TMF1: variants seen among roughly 807,000 people sequenced by gnomAD.
TMF1 encodes TATA element modulatory factor 1.
TMF1 carries 71 observed loss-of-function variants against 126.5 expected under a neutral mutation model. The observed-to-expected ratio is 0.56, with a 90% confidence interval of 0.46 to 0.68. The LOEUF is 0.68. Ranked by LOEUF, TMF1 falls within the 30% of genes least tolerant of loss-of-function variation. TMF1 has a pLI of 0.00. For missense variants in TMF1, 1,259 were observed against 1,253.2 expected (o/e 1.00, Z -0.07); for synonymous variants, 461 against 430.5 (o/e 1.07, Z -0.88).
chr3:69,044,626 C>T lies in TMF1; in HGVS notation c.1348-31G>A, dbSNP rs199639236. ...TAAGGCGAATACATAAAAGTCAGAA[C>T]GCTTAGCTTTAAAAAAGACCATTTT... On this transcript the variant is annotated intron_variant, in intron 2 of 16. Coordinates refer to ENST00000398559, the MANE Select transcript of TMF1 (RefSeq NM_007114.3). 5.3e-4 allele frequency: 778 copies of T among 1,466,956 alleles called. 5 individuals are homozygous for T. The East Asian group carries it at 0.013, about 24-fold the overall frequency. The allele number at this position is 1,466,956 out of a possible 1,614,324, so 90.9% of individuals were successfully genotyped here. A position where few individuals can be genotyped will look rare whatever the true frequency, so the allele number is the denominator to read the frequency against.
At position 69,038,696 on chromosome 3, in the gene TMF1, G is replaced by A. The variant is rs936976804; in HGVS notation, c.2019C>T (p.Ala673=). The change falls in exon 8 of 17, where the codon GCC becomes GCT. Residue 673 remains alanine (A), a synonymous_variant. Coordinates refer to ENST00000398559, the MANE Select transcript of TMF1 (RefSeq NM_007114.3). The part of the protein sequence containing the change: ...AYKELTDLHK[A]NAAKDSEAQE... ...GTGCCTCACTATCCTTTGCAGCATT[G>A]GCTTTGTGAAGATCAGTAAGTTCTC... 4 of 1,612,130 alleles carry A rather than the reference G, an allele frequency of 2.5e-6. No individual in the cohort carries two copies. The highest frequency in any genetic ancestry group is 2.7e-5 in the African/African-American group (2 of 74,730).
At chr3:69,032,609 G>T (rs1432937760) in intron 10 of TMF1, among the ~76,000 whole-genome samples, 2 of 120,374 alleles carry the variant, frequency 1.7e-5, no homozygotes, top group Non-Finnish European at 3.3e-5. Context: ...GCAGAATATG[G>T]AATCTTTTTT....
rs368078848 is a variant in TMF1 at position 69,025,887 on chromosome 3, T to G, written c.2859+109A>C. 2.7e-6 allele frequency: 3 copies of G among 1,116,576 alleles called. No individual in the cohort carries two copies. The South Asian group carries it at 4.5e-5, about 17-fold the overall frequency. The allele number at this position is 1,116,576 out of a possible 1,614,324, so 69.2% of individuals were successfully genotyped here. ...TAGCACTCCTCCACAAGTATTCAGA[T>G]GAATTACCCATAGAATGGCAAGGTC... On this transcript the variant is annotated intron_variant, in intron 14 of 16. Coordinates refer to ENST00000398559, the MANE Select transcript of TMF1 (RefSeq NM_007114.3).
chr3:69,037,433 A>T (rs2091838727), intron 8 of TMF1, among the ~76,000 whole-genome samples: 1 of 152,152 alleles, frequency 6.6e-6, no homozygotes, highest in Non-Finnish European at 1.5e-5. Flanking sequence ...AGAGGTCAGG[A>T]GTTCAACACC....
chr3:69,049,997 C>T (rs1031053928), intron 1 of TMF1, among the ~76,000 whole-genome samples: 4 of 152,048 alleles, frequency 2.6e-5, no homozygotes, highest in East Asian at 1.9e-4. Flanking sequence ...CAGTGGCTCA[C>T]GCTTGTAATC....
intron 11 of TMF1, among the ~76,000 whole-genome samples, chr3:69,029,448 T>A: frequency 1.5e-5 from 1 of 66,708 alleles, no homozygotes; most frequent in African/African-American, 5.6e-5. Context: ...TTATTTAATT[T>A]ATTTTTTTTT....
At position 69,048,475 on chromosome 3, in the gene TMF1, G is replaced by C. The variant is rs1458199613; in HGVS notation, c.230C>G (p.Ser77Cys). The C allele has an allele frequency of 1.9e-6, 3 of 1,614,044 alleles. No individual in the cohort carries two copies. Among genetic ancestry groups the C allele is most frequent in the Non-Finnish European group, 2.5e-6 (3 of 1,180,038 alleles). ...AACTGGCTTTGTGATTGCTTTAGGA[G>C]AGGCTATTGGTGGACTCTGAGGTTC... ...NTEPQSPPIA[S>C]PKAITKPVRR... Residue 77 changes from serine to cysteine, a missense_variant, in exon 2 of 17, where the codon TCT (serine) becomes TGT (cysteine). Ser to Cys is a moderately radical substitution (Grantham distance 112). Coordinates refer to ENST00000398559, the MANE Select transcript of TMF1 (RefSeq NM_007114.3).
chr3:69,025,705 G>A lies in TMF1; in HGVS notation c.2867C>T (p.Ser956Phe). 6.2e-7 allele frequency: 1 copy of A among 1,612,720 alleles called. No homozygotes were observed. Among genetic ancestry groups the A allele is most frequent in the South Asian group, 1.1e-5 (1 of 90,714 alleles). ...LQTSFLSQDE[S>F]HDHSFGPMPI... The stretch of plus-strand genomic sequence containing the variant: ...CATTGGTCCAAATGAGTGATCATGA[G>A]ACTCATCCTATGTTAATTAAGAAAG... The change falls in exon 15 of 17, where the codon TCT (serine) becomes TTT (phenylalanine). Residue 956 changes from serine to phenylalanine, a missense_variant. Physicochemically the swap from Ser to Phe is radical, Grantham distance 155. Transcript: ENST00000398559.
chr3:69,035,817 T>G (rs771201238), intron 8 of TMF1, among the ~76,000 whole-genome samples: 10 of 152,074 alleles, frequency 6.6e-5, no homozygotes, highest in Non-Finnish European at 1.3e-4. Flanking sequence ...AAATAACACG[T>G]AAGACATCAA....
rs2091725710 is a variant in TMF1 at position 69,020,901 on chromosome 3, G to T, written c.*2276C>A. Reference sequence around the variant, plus strand: ...TTATTGCAATCTTTTCTCTGCAAATGAAGTTTTTTTCTACTAGTGGATATT... The same window carrying T: ...TTATTGCAATCTTTTCTCTGCAAATTAAGTTTTTTTCTACTAGTGGATATT... On this transcript the variant is annotated 3_prime_UTR_variant, in exon 17 of 17. Transcript: ENST00000398559. 6.6e-6 allele frequency: 1 copy of T among 152,160 alleles called. No individual in the cohort carries two copies. Among genetic ancestry groups the T allele is most frequent in the Non-Finnish European group, 1.5e-5 (1 of 68,010 alleles). The allele number at this position is 152,160 out of a possible 1,614,324, so 9.4% of individuals were successfully genotyped here. A position where few individuals can be genotyped will look rare whatever the true frequency, so the allele number is the denominator to read the frequency against.
chr3:69,023,332 ATT>A lies in TMF1; in HGVS notation c.3139-14_3139-13del, dbSNP rs772606655. ...CTTTGATCCAAATCCTGAAAAATGT[ATT>A]TGTTTACAATTTTTAAAATAACTAC... On this transcript the variant is annotated splice_polypyrimidine_tract_variant and intron_variant, in intron 16 of 16. Coordinates refer to ENST00000398559, the MANE Select transcript of TMF1 (RefSeq NM_007114.3). 3 of 1,597,852 alleles carry A rather than the reference ATT, an allele frequency of 1.9e-6. No individual in the cohort carries two copies. The highest frequency in any genetic ancestry group is 2.6e-6 in the Non-Finnish European group (3 of 1,171,998).
intron 1 of TMF1, 29 bp from the exon 2 acceptor site, chr3:69,048,591 G>A: frequency 1.3e-6 from 2 of 1,511,518 alleles, no homozygotes; most frequent in Non-Finnish European, 1.8e-6. Context: ...TATTAAAAAA[G>A]AACACATATA....
intron 1 of TMF1, among the ~76,000 whole-genome samples, chr3:69,049,774 T>C (rs914087477): frequency 3.9e-5 from 6 of 152,190 alleles, no homozygotes; most frequent in African/African-American, 1.2e-4. Context: ...AAAAATGGCA[T>C]AATCAGGATC....
rs2091935407 is a variant in TMF1, at chr3:69,052,219, G to A, written c.-133C>T. On this transcript the variant is annotated 5_prime_UTR_variant, in exon 1 of 17. Transcript: ENST00000398559. ...TCTGTCAGCGTGTGGCCATTACCCC[G>A]ACAGCCTCCCGCGAGCCCGGGATGT... is the stretch of plus-strand genomic sequence containing the variant. 5.0e-6 allele frequency: 5 copies of A among 1,006,084 alleles called. No homozygotes were observed. The highest frequency in any genetic ancestry group is 7.0e-6 in the Non-Finnish European group (5 of 717,832). 62.3% of individuals were successfully genotyped at this position (1,006,084 alleles called of 1,614,324 possible). A position where few individuals can be genotyped will look rare whatever the true frequency, so the allele number is the denominator to read the frequency against.
intron 5 of TMF1, 101 bp from the exon 6 acceptor site, chr3:69,039,794 TA>T (rs2091853521): frequency 1.0e-5 from 13 of 1,303,166 alleles, no homozygotes; most frequent in Admixed American, 2.8e-5. Context: ...AGAATTTTTT[TA>T]AATTACAATT....
In TMF1 at chr3:69,025,676, T is replaced by A; in HGVS notation, c.2896A>T (p.Ile966Leu). ...SHDHSFGPMP[I>L]SANGSNLYDA... ...TAAAGATTGCTTCCATTTGCTGATA[T>A]AGGCATTGGTCCAAATGAGTGATCA... The change falls in exon 15 of 17, where the codon ATA becomes TTA. Residue 966 changes from isoleucine to leucine, a missense_variant. Coordinates refer to ENST00000398559, the MANE Select transcript of TMF1 (RefSeq NM_007114.3). 2 of 1,614,082 alleles carry A rather than the reference T, an allele frequency of 1.2e-6. No homozygotes were observed. The highest frequency in any genetic ancestry group is 2.7e-5 in the African/African-American group (2 of 75,062).
intron 10 of TMF1, among the ~76,000 whole-genome samples, chr3:69,031,571 A>G (rs6765571): frequency 0.29 from 44,634 of 152,128 alleles, 6,825 homozygotes; most frequent in East Asian, 0.54. Context: ...GGCAATGTGT[A>G]CAAAGGACCT....
chr3:69,037,608 C>G (rs1484288366), intron 8 of TMF1, among the ~76,000 whole-genome samples: 1 of 152,130 alleles, frequency 6.6e-6, no homozygotes, highest in African/African-American at 2.4e-5. Context: ...CGCTATTGCA[C>G]TCCAGCCTGG....
chr3:69,048,532 T>A lies in TMF1; in HGVS notation c.173A>T (p.Asp58Val). ...TGATTTCAACCCCCAGGTTGAAGTA[T>A]CCCATCCTCCACTGACAGGGGAACT... ...GISSPVSGGW[D>V]TSTWGLKSNT... Residue 58 changes from aspartate to valine, a missense_variant, in exon 2 of 17, where the codon GAT (aspartate) becomes GTT (valine). Asp to Val is a radical substitution (Grantham distance 152). Coordinates refer to ENST00000398559, the MANE Select transcript of TMF1 (RefSeq NM_007114.3). 1 of 1,610,280 alleles carries A rather than the reference T, an allele frequency of 6.2e-7. No individual in the cohort carries two copies. The highest frequency in any genetic ancestry group is 8.5e-7 in the Non-Finnish European group (1 of 1,177,682).
Sources: allele counts gnomAD v4.1 joint callset (sites outside exome capture counted in the v4.1 genomes callset), GRCh38; gene constraint gnomAD v4.1.1; transcripts MANE v1.5; gene names NCBI Gene and HGNC (gene_info 2026-07-23, HGNC 2026-07-21).